Variants in LCLAT1 observed in about 807,000 individuals in gnomAD.
LCLAT1 encodes the protein lysocardiolipin acyltransferase 1.
A neutral mutation model predicts 30.7 loss-of-function variants in LCLAT1; 11 were observed. The observed-to-expected ratio is 0.36, with a 90% CI of 0.23 to 0.59. LCLAT1 has a LOEUF of 0.59. Ranked by LOEUF, LCLAT1 falls within the 20% of genes least tolerant of loss-of-function variation. The pLI is 0.77. For synonymous variants in LCLAT1, 155 were observed against 151.3 expected, an observed-to-expected ratio of 1.02 and a Z score of -0.18; for missense variants, 402 against 458.6, an observed-to-expected ratio of 0.88 and a Z score of 1.13.
intron 3 of LCLAT1, among the ~76,000 whole-genome samples, chr2:30,553,497 G>A (rs1372624322): frequency 6.6e-6 from 1 of 152,218 alleles, no homozygotes; most frequent in African/African-American, 2.4e-5. Flanking sequence ...GTTAAAGACA[G>A]AATATCCTGC....
At chr2:30,635,862 A>G (rs1470172058) in intron 5 of LCLAT1, among the ~76,000 whole-genome samples, 3 of 152,276 alleles carry the variant, frequency 2.0e-5, no homozygotes, top group Non-Finnish European at 4.4e-5. Context: ...ATGAGAAGAT[A>G]GCAGACTATA....
intron 3 of LCLAT1, among the ~76,000 whole-genome samples, chr2:30,550,887 A>G (rs1257357875): frequency 6.6e-6 from 1 of 152,154 alleles, no homozygotes; most frequent in African/African-American, 2.4e-5. Flanking sequence ...AATAATATCA[A>G]TATGGACTCA....
chr2:30,527,899 G>A (rs572866410), intron 2 of LCLAT1, among the ~76,000 whole-genome samples: 3 of 152,032 alleles, frequency 2.0e-5, no homozygotes, highest in African/African-American at 7.2e-5. Flanking sequence ...AAATATAGTG[G>A]CTCCAATACA....
At chr2:30,627,448 T>C (rs939476795) in intron 5 of LCLAT1, among the ~76,000 whole-genome samples, 3 of 152,256 alleles carry the variant, frequency 2.0e-5, no homozygotes, top group African/African-American at 7.2e-5. Flanking sequence ...TCTAGGTGCA[T>C]GAGCCATGCA....
At chr2:30,544,987 C>T (rs1395796445) in intron 3 of LCLAT1, among the ~76,000 whole-genome samples, 1 of 152,124 alleles carries the variant, frequency 6.6e-6, no homozygotes, top group African/African-American at 2.4e-5. Flanking sequence ...GAGTTATAAG[C>T]TACTTATAGA....
chr2:30,500,838 C>T (rs1684339570), intron 1 of LCLAT1, among the ~76,000 whole-genome samples: 1 of 152,168 alleles, frequency 6.6e-6, no homozygotes, highest in African/African-American at 2.4e-5. Flanking sequence ...AATTGACCCT[C>T]TCGGGCTTAA....
chr2:30,575,844 C>T (rs567587272), intron 5 of LCLAT1, among the ~76,000 whole-genome samples: 74 of 152,086 alleles, frequency 4.9e-4, no homozygotes, highest in African/African-American at 1.7e-3. Context: ...TTATTGCAAC[C>T]TCGTGTCTCT....
At chr2:30,534,277 G>GTGTGTGTGTGTGT (rs1553369794) in intron 3 of LCLAT1, among the ~76,000 whole-genome samples, 1 of 144,920 alleles carries the variant, frequency 6.9e-6, no homozygotes, top group Non-Finnish European at 1.5e-5. Context: ...GTGTGTGTTT[G>GTGTGTGTGTGTGT]GGAGACGGAG....
intron 5 of LCLAT1, among the ~76,000 whole-genome samples, chr2:30,633,886 G>A (rs962232761): frequency 1.3e-5 from 2 of 152,158 alleles, no homozygotes; most frequent in Non-Finnish European, 2.9e-5. Context: ...TGCATGTAGA[G>A]ACTACAAAAG....
intron 5 of LCLAT1, among the ~76,000 whole-genome samples, chr2:30,570,382 A>G (rs1220698309): frequency 6.6e-6 from 1 of 152,220 alleles, no homozygotes; most frequent in Non-Finnish European, 1.5e-5. Flanking sequence ...AAAAAATATG[A>G]TGAGGATAAC....
chr2:30,520,774 T>C (rs1014390060), intron 1 of LCLAT1, among the ~76,000 whole-genome samples: 10 of 152,242 alleles, frequency 6.6e-5, no homozygotes, highest in Admixed American at 2.0e-4. Context: ...CAGATTTTTA[T>C]ATACATAGCA....
chr2:30,565,436 T>C (rs914711114), intron 4 of LCLAT1, among the ~76,000 whole-genome samples: 1 of 152,174 alleles, frequency 6.6e-6, no homozygotes, highest in African/African-American at 2.4e-5. Context: ...TATTAGTCTC[T>C]TCTAAAAAAT....
intron 3 of LCLAT1, among the ~76,000 whole-genome samples, chr2:30,556,090 G>T (rs924188999): frequency 6.6e-6 from 1 of 151,836 alleles, no homozygotes; most frequent in African/African-American, 2.4e-5. Flanking sequence ...CACCGTGACC[G>T]GCAACAAACT....
At chr2:30,640,061 A>C (rs942205228) in intron 5 of LCLAT1, 56 bp from the exon 6 acceptor site, 23 of 1,419,878 alleles carry the variant, frequency 1.6e-5, no homozygotes, top group Non-Finnish European at 2.0e-5. Context: ...GTGAATCAGC[A>C]TTATCACCCA....
At chr2:30,517,909 G>A (rs1230003484) in intron 1 of LCLAT1, among the ~76,000 whole-genome samples, 2 of 152,180 alleles carry the variant, frequency 1.3e-5, no homozygotes, top group Admixed American at 6.5e-5. Flanking sequence ...CTTGTTATCA[G>A]TGTAAACAAG....
At chr2:30,603,833 A>G (rs1333748861) in intron 5 of LCLAT1, among the ~76,000 whole-genome samples, 1 of 152,158 alleles carries the variant, frequency 6.6e-6, no homozygotes, top group Non-Finnish European at 1.5e-5. Context: ...CATCTGACAT[A>G]TTTGAATGTA....
chr2:30,528,050 C>G (rs1216269663), intron 2 of LCLAT1, among the ~76,000 whole-genome samples: 1 of 152,166 alleles, frequency 6.6e-6, no homozygotes, highest in Non-Finnish European at 1.5e-5. Context: ...TGTATTTGGT[C>G]AAGACTGGGT....
rs574989134 is a variant in LCLAT1 at position 30,590,987 on chromosome 2, G to C, written c.628+22811G>C. Among the ~76,000 whole-genome samples the C allele has an allele frequency of 1.6e-4, 25 of 152,230 alleles. No homozygotes were observed. In the South Asian group the frequency reaches 5.2e-3, roughly 32 times the overall value. ...GTCCTTCAACTTCGAGGTAAAATTGGAGAGCTGATATATGTATTGTGACTT... is the reference window on the plus strand; with the variant it reads ...GTCCTTCAACTTCGAGGTAAAATTGCAGAGCTGATATATGTATTGTGACTT... On this transcript the variant is annotated intron_variant, in intron 5 of 5. Coordinates refer to ENST00000379509, the MANE Select transcript of LCLAT1 (RefSeq NM_001002257.3).
rs1040585488 is a variant in LCLAT1, at chr2:30,590,323, A to T, written c.628+22147A>T. ...ATACTGTAACTAGGGCTTTTGATAG[A>T]TTTTTTTTTTTGAAATTGGAAACAA... On this transcript the variant is annotated intron_variant, in intron 5 of 5. Coordinates refer to ENST00000379509, the MANE Select transcript of LCLAT1 (RefSeq NM_001002257.3). Among the ~76,000 whole-genome samples the T allele has an allele frequency of 1.0e-4, 15 of 148,712 alleles. No homozygotes were observed. The East Asian group carries it at 2.2e-3, about 21-fold the overall frequency.
Sources: gnomAD v4.1 joint callset for allele counts (sites outside exome capture counted in the v4.1 genomes callset) on GRCh38, gnomAD v4.1.1 for gene constraint, MANE v1.5 for transcripts, NCBI Gene and HGNC (gene_info 2026-07-23, HGNC 2026-07-21) for gene names.